The following CTNNA3 variants were observed in gnomAD, a reference collection of about 807,000 sequenced individuals.
The protein encoded by CTNNA3 is catenin alpha-3.
Under a neutral mutation model 95.7 loss-of-function variants are expected in CTNNA3, and 76 were observed. The ratio of observed to expected loss-of-function variants is 0.79; its 90% CI spans 0.66 to 0.96. The LOEUF is 0.96. Ranked by LOEUF, CTNNA3 falls within the 40% of genes least tolerant of loss-of-function variation. The pLI, the probability that CTNNA3 is intolerant of heterozygous loss-of-function variation, is 0.00. For missense variants in CTNNA3, 1,191 were observed against 1,089.8 expected (o/e 1.09, Z -1.31); for synonymous variants, 431 against 374.4 (o/e 1.15, Z -1.74).
intron 13 of CTNNA3, among the ~76,000 whole-genome samples, chr10:66,151,550 C>T (rs2084201847): frequency 6.6e-6 from 1 of 151,840 alleles, no homozygotes; most frequent in South Asian, 2.1e-4. Flanking sequence ...ACACGTGACT[C>T]ATTTAGCAAG....
chr10:67,379,546 A>C (rs979258115), intron 5 of CTNNA3, among the ~76,000 whole-genome samples: 1 of 152,222 alleles, frequency 6.6e-6, no homozygotes, highest in African/African-American at 2.4e-5. Flanking sequence ...TATGAACATC[A>C]CATTGCTTTT....
intron 13 of CTNNA3, among the ~76,000 whole-genome samples, chr10:66,142,924 C>T (rs955907500): frequency 8.6e-5 from 13 of 151,926 alleles, no homozygotes; most frequent in Non-Finnish European, 1.9e-4. Context: ...CTTTTTAAGG[C>T]GGTGAATAAT....
At chr10:67,657,329 G>A (rs922344427) in intron 1 of CTNNA3, among the ~76,000 whole-genome samples, 28 of 152,226 alleles carry the variant, frequency 1.8e-4, no homozygotes, top group African/African-American at 6.3e-4. Flanking sequence ...TACAAGAGCA[G>A]GGTTTGAAAG....
At chr10:66,067,675 T>G (rs1469432267) in intron 15 of CTNNA3, among the ~76,000 whole-genome samples, 1 of 152,148 alleles carries the variant, frequency 6.6e-6, no homozygotes, top group Non-Finnish European at 1.5e-5. Flanking sequence ...CCCAGCACTT[T>G]GGGAGGCTGA....
chr10:67,210,338 GTAAATAATTAAATAGTAGTCT>G (rs1051453611), intron 6 of CTNNA3, among the ~76,000 whole-genome samples: 1 of 151,934 alleles, frequency 6.6e-6, no homozygotes, highest in African/African-American at 2.4e-5. Flanking sequence ...GCAGAATCTA[GTAAATAATTAAATAGTAGTCT>G]TAATTGCTAA....
At chr10:67,091,713 G>C (rs1857652146) in intron 7 of CTNNA3, among the ~76,000 whole-genome samples, 2 of 152,014 alleles carry the variant, frequency 1.3e-5, no homozygotes. Flanking sequence ...GTGTGTGCCT[G>C]TCATTGATGT....
rs527648339 is a variant in CTNNA3, at chr10:66,448,685, G to A, written c.1532-69333C>T. Among the ~76,000 whole-genome samples, 12 of 151,976 alleles carry A rather than the reference G, an allele frequency of 7.9e-5. 1 individual carries two copies. In the South Asian group the frequency reaches 2.3e-3, roughly 29 times the overall value. On this transcript the variant is annotated intron_variant, in intron 11 of 17. Coordinates refer to ENST00000433211, the MANE Select transcript of CTNNA3 (RefSeq NM_013266.4). ...CACTTCAAGGACTGTTGTGGGGTGG[G>A]GGAAGGGGGGTGGGATAGCATTAGG...
intron 5 of CTNNA3, among the ~76,000 whole-genome samples, chr10:67,451,077 C>T (rs896425223): frequency 2.0e-5 from 3 of 152,008 alleles, no homozygotes; most frequent in African/African-American, 7.2e-5. Flanking sequence ...TTAATACCAA[C>T]TTTGCAGGAG....
At chr10:66,168,120 T>G (rs1332113998) in intron 13 of CTNNA3, among the ~76,000 whole-genome samples, 4 of 152,196 alleles carry the variant, frequency 2.6e-5, no homozygotes, top group Non-Finnish European at 5.9e-5. Flanking sequence ...AAAGAGCTTT[T>G]GGCATTTTAT....
chr10:66,845,436 G>A (rs1336702090), intron 7 of CTNNA3, among the ~76,000 whole-genome samples: 1 of 152,112 alleles, frequency 6.6e-6, no homozygotes, highest in Non-Finnish European at 1.5e-5. Flanking sequence ...GGGTGCGGTG[G>A]CTCACGCCCG....
intron 9 of CTNNA3, among the ~76,000 whole-genome samples, chr10:66,718,763 G>A (rs1848534918): frequency 6.6e-6 from 1 of 151,972 alleles, no homozygotes; most frequent in South Asian, 2.1e-4. Context: ...AACTGTGCTT[G>A]TCATAGCAGG....
At chr10:67,418,912 T>C (rs576129026) in intron 5 of CTNNA3, among the ~76,000 whole-genome samples, 2 of 152,342 alleles carry the variant, frequency 1.3e-5, no homozygotes, top group East Asian at 3.9e-4. Context: ...ATTAGCTCAA[T>C]TGAACTATTT....
intron 13 of CTNNA3, among the ~76,000 whole-genome samples, chr10:66,106,297 C>T (rs1414073924): frequency 6.0e-5 from 9 of 150,874 alleles, no homozygotes; most frequent in Admixed American, 4.6e-4. Context: ...CTGCTTCTAC[C>T]TATCTGGTAA....
At chr10:66,791,209 G>C (rs1840952891) in intron 7 of CTNNA3, among the ~76,000 whole-genome samples, 1 of 152,060 alleles carries the variant, frequency 6.6e-6, no homozygotes, top group Non-Finnish European at 1.5e-5. Flanking sequence ...CCCCTTAACG[G>C]GTTCCCTTTG....
At chr10:66,503,949 T>C (rs1840363757) in intron 11 of CTNNA3, among the ~76,000 whole-genome samples, 1 of 152,204 alleles carries the variant, frequency 6.6e-6, no homozygotes, top group Admixed American at 6.5e-5. Flanking sequence ...TAGTTGTATA[T>C]ATTTGTGGTG....
chr10:66,081,751 G>A (rs10822704), intron 14 of CTNNA3, among the ~76,000 whole-genome samples: 43,430 of 152,056 alleles, frequency 0.29, 6,923 homozygotes, highest in South Asian at 0.43. Flanking sequence ...TTATTCTTTG[G>A]CAAGGTTCAT....
At chr10:66,075,212 T>C (rs2080526861) in intron 14 of CTNNA3, among the ~76,000 whole-genome samples, 1 of 151,780 alleles carries the variant, frequency 6.6e-6, no homozygotes, top group Non-Finnish European at 1.5e-5. Flanking sequence ...GCTTACATTA[T>C]TTATCTGCTT....
chr10:66,447,701 T>C (rs1287022172), intron 11 of CTNNA3, among the ~76,000 whole-genome samples: 12 of 152,216 alleles, frequency 7.9e-5, no homozygotes, highest in Admixed American at 2.0e-4. Context: ...CTTAACATGT[T>C]AGACCTAAAA....
intron 13 of CTNNA3, among the ~76,000 whole-genome samples, chr10:66,139,711 T>C (rs1290100195): frequency 6.6e-6 from 1 of 152,206 alleles, no homozygotes; most frequent in Non-Finnish European, 1.5e-5. Context: ...TGTCATATTT[T>C]TCAAGTGAAG....
Sources: allele counts gnomAD v4.1 joint callset (sites outside exome capture counted in the v4.1 genomes callset), GRCh38; gene constraint gnomAD v4.1.1; transcripts MANE v1.5; gene names NCBI Gene and HGNC (gene_info 2026-07-23, HGNC 2026-07-21).